NOTCH1: variants seen among roughly 807,000 people sequenced by gnomAD.
The protein encoded by NOTCH1 is neurogenic locus notch homolog protein 1.
A neutral mutation model predicts 254.8 loss-of-function variants in NOTCH1; 37 were observed. That is an observed-to-expected ratio of 0.15 (90% CI 0.11 to 0.19). The LOEUF is 0.19. Among genes scored for constraint, NOTCH1 ranks in the 10% least tolerant of loss-of-function variants. The pLI is 1.00. For synonymous variants in NOTCH1, 1,731 were observed against 1,618.1 expected, an observed-to-expected ratio of 1.07 and a Z score of -1.68; for missense variants, 2,972 against 3,708.6, an observed-to-expected ratio of 0.80 and a Z score of 5.16.
Position 136,494,929 on chromosome 9 carries a change from C to A in NOTCH1, c.*1142G>T. The stretch of plus-strand genomic sequence containing the variant: ...CCGCCTCCCTCCAGCCCCTGCCCGA[C>A]CGCATGCCCCCTGCCAGGGCTGCGG... On this transcript the variant is annotated 3_prime_UTR_variant, in exon 34 of 34. Coordinates refer to ENST00000651671, the MANE Select transcript of NOTCH1 (RefSeq NM_017617.5). 1 of 398,760 alleles carries A rather than the reference C, an allele frequency of 2.5e-6. No homozygotes were observed. The highest frequency in any genetic ancestry group is 4.4e-6 in the Non-Finnish European group (1 of 225,998). The allele number at this position is 398,760 out of a possible 1,614,324, so 24.7% of individuals were successfully genotyped here.
In NOTCH1 at chr9:136,495,469, CTT is replaced by C. The variant is rs1409534741; in HGVS notation, c.*600_*601del. On this transcript the variant is annotated 3_prime_UTR_variant, in exon 34 of 34. Coordinates refer to ENST00000651671, the MANE Select transcript of NOTCH1 (RefSeq NM_017617.5). ...GCAACATCTAACCCATATGCTTTCA[CTT>C]GTTTCCTATTTCAGATGCAAATTAA... is the stretch of plus-strand genomic sequence containing the variant. 2.5e-6 allele frequency: 1 copy of C among 399,470 alleles called. No homozygotes were observed. Among genetic ancestry groups the C allele is most frequent in the African/African-American group, 2.1e-5 (1 of 48,652 alleles). 24.7% of individuals were successfully genotyped at this position (399,470 alleles called of 1,614,324 possible).
chr9:136,509,638 T>G, intron 18 of NOTCH1, 95 bp downstream of exon 18: 1 of 1,148,232 alleles, frequency 8.7e-7, no homozygotes, highest in East Asian at 2.4e-5. Flanking sequence ...CCAGCCGGCC[T>G]AGGCGGACGC....
chr9:136,502,323 G>C lies in NOTCH1; in HGVS notation c.5333C>G (p.Ala1778Gly), dbSNP rs1422917398. The C allele has an allele frequency of 1.2e-6, 2 of 1,612,504 alleles. No homozygotes were observed. Among genetic ancestry groups the C allele is most frequent in the African/African-American group, 1.3e-5 (1 of 75,042 alleles). Residue 1778 changes from alanine (A) to glycine (G), a missense_variant, in exon 28 of 34, where the codon GCC becomes GGC. Ala to Gly is a moderately conservative substitution (Grantham distance 60). Transcript: ENST00000651671. The stretch of plus-strand genomic sequence containing the variant: ...GGGCTCCCGCCGCTTCTTCTTGCTG[G>C]CCTCAGACACTTTGAAGCCCTCAGG... ...WFPEGFKVSE[A>G]SKKKRREPLG... is the part of the protein sequence containing the mutation.
chr9:136,540,997 A>G lies in NOTCH1; in HGVS notation c.140+3027T>C, dbSNP rs1016775301. 6.6e-6 allele frequency among the ~76,000 whole-genome samples: 1 copy of G among 152,140 alleles called. No homozygotes were observed. The highest frequency in any genetic ancestry group is 1.5e-5 in the Non-Finnish European group (1 of 68,010). ...CTCAAAACAAAGAGAAAAAAGGTGG[A>G]GCCCTCTTCAGTACCCCTTGCTCAC... On this transcript the variant is annotated intron_variant, in intron 2 of 33. Transcript: ENST00000651671. The surrounding 1 kb of genome is among the most constrained non-coding windows in gnomAD (Gnocchi z 4.4).
At chr9:136,528,465 T>TGGGCAGGGACAG (rs1843507695) in intron 2 of NOTCH1, among the ~76,000 whole-genome samples, 1 of 13,324 alleles carries the variant, frequency 7.5e-5, no homozygotes, top group African/African-American at 3.2e-4. Flanking sequence ...AGGGACAGTG[T>TGGGCAGGGACAG]TGGGGATGAG....
In NOTCH1 at chr9:136,506,410, A is replaced by C; in HGVS notation, c.4014+117T>G. On this transcript the variant is annotated intron_variant, in intron 24 of 33. Coordinates refer to ENST00000651671, the MANE Select transcript of NOTCH1 (RefSeq NM_017617.5). This position sits in a 1 kb window ranked among gnomAD's most constrained non-coding sequence, Gnocchi z 4.5. ...AAAAAAAAAAAAAGACATCAGGGTGAGGAGGAGGATGAAGGCCGGGAGGAT... is the reference window on the plus strand; with the variant it reads ...AAAAAAAAAAAAAGACATCAGGGTGCGGAGGAGGATGAAGGCCGGGAGGAT... 1.4e-6 allele frequency: 1 copy of C among 712,258 alleles called. No individual in the cohort carries two copies. The allele number at this position is 712,258 out of a possible 1,614,324, so 44.1% of individuals were successfully genotyped here. A position where few individuals can be genotyped will look rare whatever the true frequency, so the allele number is the denominator to read the frequency against.
At chr9:136,516,156 C>T (rs989265082) in intron 9 of NOTCH1, 62 bp from the exon 10 acceptor site, 2 of 1,299,056 alleles carry the variant, frequency 1.5e-6, no homozygotes, top group African/African-American at 2.9e-5. Context: ...CTTCAGGGAC[C>T]CCTGGCCAGA....
In NOTCH1 at chr9:136,544,046, C is replaced by A; in HGVS notation, c.118G>T (p.Ala40Ser). Residue 40 changes from alanine to serine, a missense_variant, in exon 2 of 34, where the codon GCC (alanine) becomes TCC (serine). Transcript: ENST00000651671. ...CACACGCAGGCCTCCGTGCCATTGGCCGCTTCACACTTCCCGCCATTCAGG... is the reference window on the plus strand; with the variant it reads ...CACACGCAGGCCTCCGTGCCATTGGACGCTTCACACTTCCCGCCATTCAGG... ...TCLNGGKCEA[A>S]NGTEACVCGG... 1.3e-6 allele frequency: 2 copies of A among 1,575,512 alleles called. No homozygotes were observed. The highest frequency in any genetic ancestry group is 1.3e-5 in the African/African-American group (1 of 74,260).
At chr9:136,532,599 C>T (rs1042062966) in intron 2 of NOTCH1, among the ~76,000 whole-genome samples, 21 of 152,328 alleles carry the variant, frequency 1.4e-4, no homozygotes, top group African/African-American at 4.3e-4. Context: ...ACACCTCCCA[C>T]AGCCGCCATG....
Position 136,519,081 on chromosome 9 carries a change from C to T in NOTCH1, c.866-257G>A, listed in dbSNP as rs9411209. 0.42 allele frequency among the ~76,000 whole-genome samples: 63,482 copies of T among 152,162 alleles called. 14,368 individuals are homozygous for T. The highest frequency in any genetic ancestry group is 0.86 in the East Asian group (4,429 of 5,176). ...CCCACCAGAGGGTAATTCCCGAACA[C>T]AGGGCCTGTCTGTTCATCCAGGCAT... On this transcript the variant is annotated intron_variant, in intron 5 of 33. Coordinates refer to ENST00000651671, the MANE Select transcript of NOTCH1 (RefSeq NM_017617.5).
In NOTCH1 at chr9:136,497,070, G is replaced by C; in HGVS notation, c.6669C>G (p.Phe2223Leu). ...VASPPLLPSP[F>L]QQSPSVPLNH... ...TGAGGGGCACGGACGGAGACTGCTG[G>C]AACGGGGAGGGCAGCAGTGGCGGCG... Residue 2223 changes from phenylalanine to leucine, a missense_variant, in exon 34 of 34, where the codon TTC becomes TTG. Physicochemically the swap from Phe to Leu is conservative, Grantham distance 22. This residue lies in a region of NOTCH1 where 529 missense variants were observed against 529.2 expected (regional missense o/e 1.00). Coordinates refer to ENST00000651671, the MANE Select transcript of NOTCH1 (RefSeq NM_017617.5). 1 of 1,609,726 alleles carries C rather than the reference G, an allele frequency of 6.2e-7. No individual in the cohort carries two copies. Among genetic ancestry groups the C allele is most frequent in the Non-Finnish European group, 8.5e-7 (1 of 1,178,070 alleles).
intron 2 of NOTCH1, among the ~76,000 whole-genome samples, chr9:136,542,544 C>CAAAAAAAA (rs1174860714): frequency 6.3e-4 from 33 of 52,264 alleles, no homozygotes; most frequent in Admixed American, 1.4e-3. Context: ...CCCCAAAAAG[C>CAAAAAAAA]AAAAAAAAAA....
In NOTCH1 at chr9:136,508,026, C is replaced by A; in HGVS notation, c.3439G>T (p.Asp1147Tyr). The A allele has an allele frequency of 6.2e-7, 1 of 1,612,452 alleles. No homozygotes were observed. The highest frequency in any genetic ancestry group is 8.5e-7 in the Non-Finnish European group (1 of 1,180,016). ...YTGSYCEDLVDECSPSPCQNG... is the reference protein window; with the variant it reads ...YTGSYCEDLVYECSPSPCQNG... ...TGGCAGGGGCTGGGTGAGCACTCGTCCACCAGGTCCTCACAGTAGCTGCCT... is the reference window on the plus strand; with the variant it reads ...TGGCAGGGGCTGGGTGAGCACTCGTACACCAGGTCCTCACAGTAGCTGCCT... The change falls in exon 21 of 34, where the codon GAC (aspartate) becomes TAC (tyrosine). Residue 1147 changes from aspartate (D) to tyrosine (Y), a missense_variant. Asp to Tyr is a radical substitution (Grantham distance 160, BLOSUM62 -3). Around this residue, in one of 8 missense-constraint regions of NOTCH1, gnomAD observed 1,343 missense variants for 1,557.0 expected, o/e 0.86. Coordinates refer to ENST00000651671, the MANE Select transcript of NOTCH1 (RefSeq NM_017617.5).
At chr9:136,535,491 G>A (rs1181798539) in intron 2 of NOTCH1, among the ~76,000 whole-genome samples, 3 of 116,380 alleles carry the variant, frequency 2.6e-5, no homozygotes, top group Admixed American at 8.1e-5. Flanking sequence ...CCCTCCCAGG[G>A]GCAATGGGTG....
rs368564847 is a variant in NOTCH1, at chr9:136,513,622, T to C, written c.2208-85A>G. On this transcript the variant is annotated intron_variant, in intron 13 of 33. Transcript: ENST00000651671. This position sits in a 1 kb window ranked among gnomAD's most constrained non-coding sequence, Gnocchi z 4.7. The stretch of plus-strand genomic sequence containing the variant: ...GCACTCCCGGGTCTGCAATGCCCTA[T>C]GGGCTGGCGGAGGTGCCCATCCACT... 164 of 1,511,234 alleles carry C rather than the reference T, an allele frequency of 1.1e-4. No individual in the cohort carries two copies. The Middle Eastern group carries it at 2.4e-3, about 22-fold the overall frequency. 93.6% of individuals were successfully genotyped at this position (1,511,234 alleles called of 1,614,324 possible).
chr9:136,497,331 C>T lies in NOTCH1; in HGVS notation c.6408G>A (p.Ser2136=), dbSNP rs933773128. 1.8e-5 allele frequency: 29 copies of T among 1,606,122 alleles called. No individual in the cohort carries two copies. The highest frequency in any genetic ancestry group is 8.3e-5 in the Admixed American group (5 of 59,934). Residue 2136 remains serine (S), a synonymous_variant, in exon 34 of 34, where the codon TCG becomes TCA. Transcript: ENST00000651671. The part of the protein sequence containing the change: ...GAPLGGTPTL[S]PPLCSPNGYL... Reference sequence around the variant, plus strand: ...AGCCGTTGGGCGAGCAGAGCGGGGGCGACAGGGTGGGCGTGCCCCCCAGCG... The same window carrying T: ...AGCCGTTGGGCGAGCAGAGCGGGGGTGACAGGGTGGGCGTGCCCCCCAGCG...
intron 15 of NOTCH1, among the ~76,000 whole-genome samples, chr9:136,512,591 G>A (rs1843198544): frequency 6.6e-6 from 1 of 152,336 alleles, no homozygotes; most frequent in Admixed American, 6.5e-5. Context: ...GCTGGCGGGG[G>A]TGGGGAAGCC....
At position 136,523,793 on chromosome 9, in the gene NOTCH1, G is replaced by T; in HGVS notation, c.327C>A (p.Asn109Lys). Residue 109 changes from asparagine (N) to lysine (K), a missense_variant, in exon 3 of 34, where the codon AAC becomes AAA. Transcript: ENST00000651671. ...CGCAGGTGCCCCCGTTGCGGCAGGG[G>T]TTGGTGAGGCAGGCATTGTCCAGGG... ...LTPLDNACLT[N>K]PCRNGGTCDL... 1 of 1,611,914 alleles carries T rather than the reference G, an allele frequency of 6.2e-7. No homozygotes were observed.
chr9:136,528,391 GT>G, intron 2 of NOTCH1, among the ~76,000 whole-genome samples: 1 of 112,292 alleles, frequency 8.9e-6, no homozygotes, highest in East Asian at 2.6e-4. Flanking sequence ...GGCAGGGACA[GT>G]GGGGGGGGAT....
Sources: gnomAD v4.1 joint callset for allele counts (sites outside exome capture counted in the v4.1 genomes callset) on GRCh38, gnomAD v4.1.1 for gene constraint, gnomAD v4.1.1 regional missense constraint, Gnocchi (gnomAD v3.1) non-coding constraint, MANE v1.5 for transcripts, NCBI Gene and HGNC (gene_info 2026-07-23, HGNC 2026-07-21) for gene names.